SOX5: variants seen among roughly 807,000 people sequenced by gnomAD.
SOX5 encodes transcription factor SOX-5.
SOX5 carries 9 observed loss-of-function variants against 92.0 expected under a neutral mutation model. The observed-to-expected ratio is 0.10, with a 90% CI of 0.06 to 0.17. The LOEUF (loss-of-function observed/expected upper bound fraction) is 0.17, where lower values mean the gene tolerates loss of function less well. Among genes scored for constraint, SOX5 ranks in the 10% least tolerant of loss-of-function variants. The probability of loss-of-function intolerance (pLI) is 1.00; values close to 1 mark genes in which losing one functional copy is unlikely to be tolerated. For synonymous variants in SOX5, 344 were observed against 336.3 expected, an observed-to-expected ratio of 1.02 and a Z score of -0.25; for missense variants, 642 against 944.5, an observed-to-expected ratio of 0.68 and a Z score of 4.20.
At chr12:24,493,981 T>C (rs533415464) in intron 1 of SOX5, among the ~76,000 whole-genome samples, 11 of 152,354 alleles carry the variant, frequency 7.2e-5, no homozygotes, top group African/African-American at 2.6e-4. Context: ...AATTGATCAC[T>C]TCCTCAATGA....
At chr12:23,943,182 G>T (rs977239749) in intron 1 of SOX5, among the ~76,000 whole-genome samples, 2 of 151,624 alleles carry the variant, frequency 1.3e-5, no homozygotes, top group Non-Finnish European at 2.9e-5. Flanking sequence ...TTTCATTTCA[G>T]CAAAGAGAAG....
intron 1 of SOX5, among the ~76,000 whole-genome samples, chr12:24,391,413 AG>A (rs1321223994): frequency 6.6e-6 from 1 of 152,186 alleles, no homozygotes; most frequent in Non-Finnish European, 1.5e-5. Context: ...TGCTTTCCAA[AG>A]AAAGGAGATC....
At chr12:23,977,842 C>G (rs1379213201) in intron 4 of SOX5, among the ~76,000 whole-genome samples, 2 of 152,154 alleles carry the variant, frequency 1.3e-5, no homozygotes, top group East Asian at 3.8e-4. Context: ...GGTTCTAACT[C>G]TGTTAGAACT....
intron 4 of SOX5, among the ~76,000 whole-genome samples, chr12:24,013,603 C>G (rs555027315): frequency 1.3e-5 from 2 of 152,102 alleles, no homozygotes; most frequent in East Asian, 3.9e-4. Context: ...TGGAGAAGAC[C>G]CTTGCGGAGG....
At chr12:23,741,456 A>C (rs1024454444) in intron 4 of SOX5, among the ~76,000 whole-genome samples, 1 of 152,210 alleles carries the variant, frequency 6.6e-6, no homozygotes, top group East Asian at 1.9e-4. Context: ...TCCCAAGTAC[A>C]GTTCTTGGCC....
intron 4 of SOX5, among the ~76,000 whole-genome samples, chr12:24,179,465 G>A (rs1337885626): frequency 6.6e-6 from 1 of 152,204 alleles, no homozygotes; most frequent in Non-Finnish European, 1.5e-5. Context: ...CAGTGGTAGT[G>A]AGCTGTAGCT....
At chr12:24,495,873 C>A (rs940292736) in intron 1 of SOX5, among the ~76,000 whole-genome samples, 25 of 152,110 alleles carry the variant, frequency 1.6e-4, no homozygotes, top group African/African-American at 5.8e-4. Context: ...AGAGTCCTTT[C>A]CTAGCAGAGG....
chr12:24,036,347 C>T (rs1373755756), intron 4 of SOX5, among the ~76,000 whole-genome samples: 1 of 151,988 alleles, frequency 6.6e-6, no homozygotes, highest in African/African-American at 2.4e-5. Context: ...TTAAACATTC[C>T]AACACTATAC....
intron 7 of SOX5, among the ~76,000 whole-genome samples, chr12:23,646,822 G>C (rs1270190549): frequency 6.6e-6 from 1 of 152,146 alleles, no homozygotes; most frequent in African/African-American, 2.4e-5. Context: ...TCTAATTCTA[G>C]TTCTACTGCT....
Position 23,777,805 on chromosome 12 carries a change from A to C in SOX5, c.482-22081T>G, listed in dbSNP as rs78024048. ...TAAAACAAATTAAGCAGGGGAAATA[A>C]TTTTATCTTCCATCACCTTCAACGT... On this transcript the variant is annotated intron_variant, in intron 3 of 14. Coordinates refer to ENST00000451604, the MANE Select transcript of SOX5 (RefSeq NM_006940.6). Among the ~76,000 whole-genome samples the C allele has an allele frequency of 8.3e-3, 1,265 of 152,270 alleles. 9 individuals carry two copies. The highest frequency in any genetic ancestry group is 0.027 in the Middle Eastern group (8 of 294).
At chr12:24,105,723 C>T (rs1278696873) in intron 4 of SOX5, among the ~76,000 whole-genome samples, 4 of 152,168 alleles carry the variant, frequency 2.6e-5, no homozygotes, top group Non-Finnish European at 5.9e-5. Context: ...ATCACCTCAA[C>T]TCTAAAGTAA....
intron 4 of SOX5, among the ~76,000 whole-genome samples, chr12:24,016,537 T>C (rs1953632468): frequency 6.6e-6 from 1 of 151,280 alleles, no homozygotes; most frequent in South Asian, 2.1e-4. Context: ...CCTCACAGAG[T>C]AATTAAAAGG....
intron 1 of SOX5, among the ~76,000 whole-genome samples, chr12:24,440,226 G>A (rs542299501): frequency 1.3e-5 from 2 of 152,200 alleles, no homozygotes; most frequent in South Asian, 2.1e-4. Context: ...ACCAGTTCTT[G>A]GACACTGGCA....
chr12:24,244,870 T>C (rs968596568), intron 3 of SOX5, among the ~76,000 whole-genome samples: 4 of 152,162 alleles, frequency 2.6e-5, no homozygotes, highest in African/African-American at 9.7e-5. Context: ...TTTGTATTTT[T>C]AGTAGAGACG....
At chr12:24,059,982 G>T (rs73275412) in intron 4 of SOX5, among the ~76,000 whole-genome samples, 1,933 of 152,298 alleles carry the variant, frequency 0.013, 40 homozygotes, top group African/African-American at 0.042. Context: ...GAATGGAATT[G>T]TCTATGCTGA....
At chr12:24,110,595 A>G (rs542347989) in intron 4 of SOX5, among the ~76,000 whole-genome samples, 37 of 152,134 alleles carry the variant, frequency 2.4e-4, no homozygotes, top group Non-Finnish European at 5.0e-4. Flanking sequence ...TTAAGAAGGT[A>G]TGGATTTAGG....
chr12:24,278,875 CT>C (rs11357779), intron 2 of SOX5, among the ~76,000 whole-genome samples: 71,569 of 140,908 alleles, frequency 0.51, 18,204 homozygotes, highest in East Asian at 0.73. Flanking sequence ...ACAAACTCCA[CT>C]TTTTTTTTTT....
At chr12:24,177,186 G>A (rs1954917133) in intron 4 of SOX5, among the ~76,000 whole-genome samples, 2 of 152,098 alleles carry the variant, frequency 1.3e-5, no homozygotes, top group Admixed American at 1.3e-4. Context: ...CACATAATTA[G>A]GGAGGTGCTA....
At chr12:24,084,183 T>C (rs1318000843) in intron 4 of SOX5, among the ~76,000 whole-genome samples, 1 of 152,084 alleles carries the variant, frequency 6.6e-6, no homozygotes, top group Non-Finnish European at 1.5e-5. Context: ...AAACTGCCAA[T>C]CTAAAATATC....
Sources: gnomAD v4.1 joint callset for allele counts (sites outside exome capture counted in the v4.1 genomes callset) on GRCh38, gnomAD v4.1.1 for gene constraint, MANE v1.5 for transcripts, NCBI Gene and HGNC (gene_info 2026-07-23, HGNC 2026-07-21) for gene names.